C2CD3: variants seen among roughly 807,000 people sequenced by gnomAD.
The protein encoded by C2CD3 is C2 domain-containing protein 3.
C2CD3 carries 148 observed loss-of-function variants against 234.0 expected under a neutral mutation model. The observed-to-expected ratio is 0.63, with a 90% CI of 0.55 to 0.72. C2CD3 has a LOEUF of 0.72. Ranked by LOEUF, C2CD3 falls within the 30% of genes least tolerant of loss-of-function variation. C2CD3 has a pLI of 0.00. For synonymous variants in C2CD3, 1,000 were observed against 1,035.4 expected (o/e 0.97, Z 0.66); for missense variants, 2,577 against 2,811.5 (o/e 0.92, Z 1.89).
At chr11:74,057,709 GC>G (rs1421122096) in intron 24 of C2CD3, among the ~76,000 whole-genome samples, 165 bp from the exon 25 acceptor site, 2 of 152,138 alleles carry the variant, frequency 1.3e-5, no homozygotes, top group African/African-American at 4.8e-5. Flanking sequence ...AGTGGCTCAA[GC>G]CTGTAATCCC....
At chr11:74,156,055 C>T (rs1855995426) in intron 3 of C2CD3, among the ~76,000 whole-genome samples, 1 of 152,064 alleles carries the variant, frequency 6.6e-6, no homozygotes, top group African/African-American at 2.4e-5. Context: ...GTGGGCAGAT[C>T]ATGAGGTCAG....
At chr11:74,043,031 C>T (rs973854652) in intron 28 of C2CD3, among the ~76,000 whole-genome samples, 11 of 152,160 alleles carry the variant, frequency 7.2e-5, no homozygotes, top group African/African-American at 2.4e-4. Flanking sequence ...TACAATTCAC[C>T]TATTTAAAGT....
chr11:74,117,361 AATATATATATAT>A (rs71469494), intron 9 of C2CD3, among the ~76,000 whole-genome samples: 34,893 of 94,866 alleles, frequency 0.37, 6,937 homozygotes, highest in African/African-American at 0.6. Flanking sequence ...TTTGGCCTCA[AATATATATATAT>A]ATATATATAT....
chr11:74,015,098 C>T (rs1951831899), intron 32 of C2CD3, among the ~76,000 whole-genome samples: 1 of 152,226 alleles, frequency 6.6e-6, no homozygotes, highest in African/African-American at 2.4e-5. Flanking sequence ...ATGCCTCAGA[C>T]CAGGGGAGGC....
intron 25 of C2CD3, among the ~76,000 whole-genome samples, chr11:74,056,212 C>T (rs574997687): frequency 8.5e-5 from 13 of 152,290 alleles, no homozygotes; most frequent in African/African-American, 3.1e-4. Context: ...GACCAGACAC[C>T]ATGGGTATGG....
intron 3 of C2CD3, among the ~76,000 whole-genome samples, chr11:74,151,639 T>G (rs1397182565): frequency 6.6e-6 from 1 of 151,992 alleles, no homozygotes; most frequent in African/African-American, 2.4e-5. Flanking sequence ...CAACACTCAT[T>G]AAAGGGGGAA....
chr11:74,156,506 T>C (rs1856035099), intron 3 of C2CD3, among the ~76,000 whole-genome samples: 1 of 147,206 alleles, frequency 6.8e-6, no homozygotes, highest in Non-Finnish European at 1.5e-5. Context: ...GGTATGTGGA[T>C]TATACCTTGA....
chr11:74,085,828 A>AGGCATT lies in C2CD3; in HGVS notation c.3694_3699dup (p.Asn1232_Ala1233dup). 1 of 1,614,102 alleles carries AGGCATT rather than the reference A, an allele frequency of 6.2e-7. No individual in the cohort carries two copies. Among genetic ancestry groups the AGGCATT allele is most frequent in the Non-Finnish European group, 8.5e-7 (1 of 1,179,998 alleles). ...AGGAAGGAGAGATGAGTGGTGACAG[A>AGGCATT]GGCATTGACCCCGACTGTGGCACTA... On this transcript the variant is annotated inframe_insertion, in exon 21 of 33. Transcript: ENST00000334126.
At chr11:74,072,842 G>C (rs1409694391) in intron 24 of C2CD3, among the ~76,000 whole-genome samples, 2 of 152,092 alleles carry the variant, frequency 1.3e-5, no homozygotes, top group African/African-American at 2.4e-5. Flanking sequence ...CTTTGCTTTT[G>C]AACAGTTCAT....
chr11:74,093,891 T>C lies in C2CD3; in HGVS notation c.3269A>G (p.Gln1090Arg). The C allele has an allele frequency of 6.2e-7, 1 of 1,614,154 alleles. No individual in the cohort carries two copies. The highest frequency in any genetic ancestry group is 8.5e-7 in the Non-Finnish European group (1 of 1,179,974). The change falls in exon 18 of 33, where the codon CAA (glutamine) becomes CGA (arginine). Residue 1090 changes from glutamine to arginine, a missense_variant. By Grantham distance (43) the Gln-to-Arg change is conservative. Coordinates refer to ENST00000334126, the MANE Select transcript of C2CD3 (RefSeq NM_001286577.2). ...AGAGAAAGCACTTAGTAGGAGCCTT[T>C]GCACTGGAACCTCAGCTGGCAACAG... Reference protein sequence around the residue: ...SLLLPAEVPVQRLLLSAFSAQ... With the variant: ...SLLLPAEVPVRRLLLSAFSAQ...
At chr11:74,092,062 T>TA (rs1565283029) in intron 19 of C2CD3, among the ~76,000 whole-genome samples, 109 of 149,442 alleles carry the variant, frequency 7.3e-4, no homozygotes, top group Non-Finnish European at 1.2e-3. Context: ...ATATATATAT[T>TA]TTTTTTTTGA....
chr11:74,027,371 G>C (rs183786819), intron 32 of C2CD3, among the ~76,000 whole-genome samples: 1 of 152,214 alleles, frequency 6.6e-6, no homozygotes, highest in African/African-American at 2.4e-5. Flanking sequence ...TCCTCCCAAA[G>C]TGCTGGGATT....
chr11:74,043,658 A>T (rs543568974), intron 28 of C2CD3, among the ~76,000 whole-genome samples: 37 of 150,692 alleles, frequency 2.5e-4, no homozygotes, highest in African/African-American at 8.8e-4. Context: ...TTTTTTTTTT[A>T]AATACAGTCA....
chr11:74,129,580 C>G, intron 7 of C2CD3: 1 of 183,824 alleles, frequency 5.4e-6, no homozygotes, highest in Non-Finnish European at 1.1e-5. Context: ...AGACGCTCCT[C>G]ACTTTCCAGA....
At chr11:74,118,149 G>T in intron 9 of C2CD3, 79 bp downstream of exon 9, 1 of 1,093,580 alleles carries the variant, frequency 9.1e-7, no homozygotes, top group Non-Finnish European at 1.3e-6. Flanking sequence ...TGGGCAAATG[G>T]GTCATTTCAC....
intron 25 of C2CD3, among the ~76,000 whole-genome samples, 169 bp downstream of exon 25, chr11:74,057,237 C>T (rs142500503): frequency 1.5e-3 from 224 of 152,196 alleles, no homozygotes; most frequent in African/African-American, 5.3e-3. Context: ...ACCTTTAAAC[C>T]ACTGCTTCCT....
chr11:74,137,862 A>T (rs937228188), intron 5 of C2CD3, among the ~76,000 whole-genome samples: 4 of 152,214 alleles, frequency 2.6e-5, no homozygotes, highest in African/African-American at 9.7e-5. Context: ...TTGGGATTAC[A>T]GGCGTGAGCC....
At chr11:74,117,171 AAT>A (rs1156711287) in intron 9 of C2CD3, among the ~76,000 whole-genome samples, 4 of 24,334 alleles carry the variant, frequency 1.6e-4, no homozygotes, top group Non-Finnish European at 2.9e-4. Flanking sequence ...TATATATATG[AAT>A]ATATATATAT....
intron 13 of C2CD3, among the ~76,000 whole-genome samples, chr11:74,104,274 A>C (rs1047841965): frequency 6.6e-6 from 1 of 152,234 alleles, no homozygotes; most frequent in Non-Finnish European, 1.5e-5. Context: ...AATGCAATAG[A>C]TAATCCTGGA....
Sources: allele counts gnomAD v4.1 joint callset (sites outside exome capture counted in the v4.1 genomes callset), GRCh38; gene constraint gnomAD v4.1.1; transcripts MANE v1.5; gene names NCBI Gene and HGNC (gene_info 2026-07-23, HGNC 2026-07-21).